Variants in NAV3 observed in about 807,000 individuals in gnomAD.
NAV3 encodes the protein neuron navigator 3.
Under a neutral mutation model 244.7 loss-of-function variants are expected in NAV3, and 87 were observed. The observed-to-expected ratio is 0.36, with a 90% CI of 0.30 to 0.42. The LOEUF (loss-of-function observed/expected upper bound fraction) is 0.42. Ranked by LOEUF, NAV3 falls within the 20% of genes least tolerant of loss-of-function variation. NAV3 has a pLI of 1.00. For synonymous variants in NAV3, 1,126 were observed against 1,042.2 expected, an observed-to-expected ratio of 1.08 and a Z score of -1.55; for missense variants, 2,663 against 2,893.3, an observed-to-expected ratio of 0.92 and a Z score of 1.83.
At chr12:78,112,155 C>A (rs770897772) in intron 12 of NAV3, among the ~76,000 whole-genome samples, 1 of 152,134 alleles carries the variant, frequency 6.6e-6, no homozygotes, top group Non-Finnish European at 1.5e-5. Context: ...TCTGCCCATG[C>A]TGATAGAAAA....
chr12:77,944,654 T>C (rs909703055), intron 3 of NAV3, among the ~76,000 whole-genome samples: 1 of 152,086 alleles, frequency 6.6e-6, no homozygotes, highest in African/African-American at 2.4e-5. Context: ...TTTGAAACCA[T>C]GGACAAGAAT....
In NAV3 at chr12:78,124,217, T is replaced by G. The variant is rs144631551; in HGVS notation, c.4238+1789T>G. 3.9e-3 allele frequency among the ~76,000 whole-genome samples: 599 copies of G among 152,344 alleles called. 3 individuals carry two copies. Among genetic ancestry groups the G allele is most frequent in the African/African-American group, 0.014 (562 of 41,586 alleles). ...TTCAGAAATAAAGTCAAGTAACTAT[T>G]TATAACCAAGTAACATTCAAATCAA... On this transcript the variant is annotated intron_variant, in intron 16 of 39. Transcript: ENST00000397909.
At chr12:77,749,083 A>G (rs1299753465) in intron 2 of NAV3, among the ~76,000 whole-genome samples, 1 of 152,188 alleles carries the variant, frequency 6.6e-6, no homozygotes, top group Non-Finnish European at 1.5e-5. Context: ...ACGTTGTTGG[A>G]AATGAGCTAT....
In NAV3 at chr12:78,205,135, C is replaced by T. The variant is rs758047810; in HGVS notation, c.7035C>T (p.Pro2345=). 17 of 1,612,534 alleles carry T rather than the reference C, an allele frequency of 1.1e-5. No individual in the cohort carries two copies. In the East Asian group the frequency reaches 2.9e-4, roughly 28 times the overall value. Reference sequence around the variant, plus strand: ...CGCAAACTGACACAGAAGGAGATCCCCTGGTAAGAATCAGATGTTCATTTC... The same window carrying T: ...CGCAAACTGACACAGAAGGAGATCCTCTGGTAAGAATCAGATGTTCATTTC... The part of the protein sequence containing the change: ...HIPQTDTEGD[P]LMNMLMKLQE... Residue 2345 remains proline (P), a synonymous_variant, in exon 39 of 40, where the codon CCC becomes CCT. Coordinates refer to ENST00000397909, the MANE Select transcript of NAV3 (RefSeq NM_001024383.2).
chr12:78,064,281 G>T (rs759087053), intron 12 of NAV3, among the ~76,000 whole-genome samples: 1 of 152,096 alleles, frequency 6.6e-6, no homozygotes, highest in Non-Finnish European at 1.5e-5. Flanking sequence ...TTATGATCAA[G>T]GTGTCAGCAA....
intron 9 of NAV3, chr12:78,037,533 T>C (rs1358823993): frequency 1.7e-6 from 1 of 582,548 alleles, no homozygotes; most frequent in Non-Finnish European, 3.0e-6. Context: ...TCCTGTTTCT[T>C]GAAGTGATTT....
At chr12:77,872,906 G>T (rs1224095772) in intron 1 of NAV3, among the ~76,000 whole-genome samples, 1 of 152,032 alleles carries the variant, frequency 6.6e-6, no homozygotes, top group Non-Finnish European at 1.5e-5. Context: ...GATATGGTTT[G>T]GCTGTGTCCC....
At chr12:77,668,535 C>T (rs1348476676) in intron 2 of NAV3, among the ~76,000 whole-genome samples, 2 of 152,072 alleles carry the variant, frequency 1.3e-5, no homozygotes, top group Non-Finnish European at 2.9e-5. Flanking sequence ...GAAGAAAGAA[C>T]TTTGGAGCTC....
chr12:77,851,205 T>A (rs1160502081), intron 1 of NAV3, among the ~76,000 whole-genome samples: 2 of 152,190 alleles, frequency 1.3e-5, no homozygotes, highest in Admixed American at 1.3e-4. Flanking sequence ...ATTTTTTTTA[T>A]GTAACTGTTA....
chr12:77,831,927 A>C (rs1480397863), intron 1 of NAV3, among the ~76,000 whole-genome samples: 1 of 152,216 alleles, frequency 6.6e-6, no homozygotes, highest in Non-Finnish European at 1.5e-5. Context: ...ATATGCATCT[A>C]TTGTAATCAT....
At chr12:77,733,907 G>C (rs1224834948) in intron 2 of NAV3, among the ~76,000 whole-genome samples, 1 of 149,284 alleles carries the variant, frequency 6.7e-6, no homozygotes, top group Non-Finnish European at 1.5e-5. Flanking sequence ...ATAAATGAGA[G>C]GTGAGGGAGT....
At chr12:77,836,653 A>G (rs774081693) in intron 1 of NAV3, among the ~76,000 whole-genome samples, 3 of 152,170 alleles carry the variant, frequency 2.0e-5, no homozygotes, top group Non-Finnish European at 2.9e-5. Flanking sequence ...ACTTTTTTCT[A>G]TGTTATTTTA....
At chr12:78,069,059 G>A (rs749017869) in intron 12 of NAV3, among the ~76,000 whole-genome samples, 1 of 151,802 alleles carries the variant, frequency 6.6e-6, no homozygotes, top group Non-Finnish European at 1.5e-5. Flanking sequence ...GCCGGCAGCT[G>A]ATAAATTCTG....
intron 9 of NAV3, among the ~76,000 whole-genome samples, chr12:78,043,925 CTTAGT>C (rs1881317298): frequency 6.6e-6 from 1 of 152,034 alleles, no homozygotes; most frequent in Non-Finnish European, 1.5e-5. Flanking sequence ...GCAGAATTTC[CTTAGT>C]TTAATTAGAT....
chr12:78,022,858 A>G (rs1445537220), intron 9 of NAV3, among the ~76,000 whole-genome samples: 1 of 152,132 alleles, frequency 6.6e-6, no homozygotes, highest in Non-Finnish European at 1.5e-5. Flanking sequence ...CCAAGGGTAC[A>G]TTTTGGAATC....
chr12:77,672,377 A>T (rs118184191), intron 2 of NAV3, among the ~76,000 whole-genome samples: 2,202 of 152,276 alleles, frequency 0.014, 21 homozygotes, highest in Middle Eastern at 0.045. Flanking sequence ...ATTTGGTCCA[A>T]CAATCCCACT....
intron 24 of NAV3, among the ~76,000 whole-genome samples, chr12:78,172,931 A>G (rs1308013512): frequency 6.6e-6 from 1 of 151,490 alleles, no homozygotes; most frequent in Non-Finnish European, 1.5e-5. Flanking sequence ...TTTTCTAGCT[A>G]TTGTTTATAG....
chr12:78,049,964 A>G, intron 9 of NAV3, 29 bp from the exon 10 acceptor site: 1 of 1,518,440 alleles, frequency 6.6e-7, no homozygotes. Flanking sequence ...AATGTCATGA[A>G]TAGCAAATTT....
intron 2 of NAV3, among the ~76,000 whole-genome samples, chr12:77,806,367 C>G (rs1456464320): frequency 6.6e-6 from 1 of 152,116 alleles, no homozygotes; most frequent in Non-Finnish European, 1.5e-5. Flanking sequence ...TACATTGTGT[C>G]TTTGTTCTCA....
Sources: allele counts gnomAD v4.1 joint callset (sites outside exome capture counted in the v4.1 genomes callset), GRCh38; gene constraint gnomAD v4.1.1; transcripts MANE v1.5; gene names NCBI Gene and HGNC (gene_info 2026-07-23, HGNC 2026-07-21).